The following DTWD1 variants were observed in gnomAD, a reference collection of about 807,000 sequenced individuals.
DTWD1 encodes the protein tRNA-uridine aminocarboxypropyltransferase 1.
DTWD1 carries 27 observed loss-of-function variants against 30.2 expected under a neutral mutation model. The ratio of observed to expected loss-of-function variants is 0.90; its 90% CI spans 0.66 to 1.23. The LOEUF (loss-of-function observed/expected upper bound fraction) is 1.23, where lower values mean the gene tolerates loss of function less well. Among genes scored for constraint, DTWD1 ranks in the 50% most tolerant of loss-of-function variants. The pLI is 0.00. For missense variants in DTWD1, 342 were observed against 348.8 expected (o/e 0.98, Z 0.15); for synonymous variants, 99 against 113.1 (o/e 0.88, Z 0.79).
intron 3 of DTWD1, 106 bp downstream of exon 3, chr15:49,632,408 T>A: frequency 9.3e-7 from 1 of 1,069,742 alleles, no homozygotes; most frequent in Non-Finnish European, 1.3e-6. Flanking sequence ...TTTTTCTTAG[T>A]AAAGTATTAT....
chr15:49,635,788 G>A (rs116363715), intron 4 of DTWD1, among the ~76,000 whole-genome samples: 5 of 152,146 alleles, frequency 3.3e-5, no homozygotes, highest in Non-Finnish European at 5.9e-5. Flanking sequence ...GCCACCACGC[G>A]CAGCCTTCCT....
intron 4 of DTWD1, 31 bp from the exon 5 acceptor site, chr15:49,643,300 T>A: frequency 6.9e-7 from 1 of 1,439,518 alleles, no homozygotes; most frequent in Admixed American, 3.1e-5. Context: ...TTTTCTTTCT[T>A]TCTTTCTTTT....
intron 4 of DTWD1, among the ~76,000 whole-genome samples, chr15:49,641,313 C>T (rs2079062468): frequency 6.6e-6 from 1 of 151,038 alleles, no homozygotes; most frequent in African/African-American, 2.4e-5. Context: ...ATTCCTATTT[C>T]AATTATTTTA....
intron 4 of DTWD1, among the ~76,000 whole-genome samples, chr15:49,635,426 CT>C (rs1238875502): frequency 6.6e-6 from 1 of 152,124 alleles, no homozygotes; most frequent in East Asian, 1.9e-4. Context: ...AATACATTTA[CT>C]AAGAAGTTAG....
In DTWD1 at chr15:49,643,302, CTTTCTTTTTTTTT is replaced by C. The variant is rs2079086897; in HGVS notation, c.668-25_668-13del. 5.8e-6 allele frequency: 7 copies of C among 1,200,062 alleles called. No individual in the cohort carries two copies. Among genetic ancestry groups the C allele is most frequent in the East Asian group, 3.1e-5 (1 of 32,774 alleles). The allele number at this position is 1,200,062 out of a possible 1,614,324, so 74.3% of individuals were successfully genotyped here. A position where few individuals can be genotyped will look rare whatever the true frequency, so the allele number is the denominator to read the frequency against. On this transcript the variant is annotated splice_polypyrimidine_tract_variant and intron_variant, in intron 4 of 4. Transcript: ENST00000403028. ...AAATATTTATATTTTTTCTTTCTTTCTTTCTTTTTTTTTTTTTTTTTTTGACAGGGTTGTTACA... is the reference window on the plus strand; with the variant it reads ...AAATATTTATATTTTTTCTTTCTTTCTTTTTTTTTTGACAGGGTTGTTACA...
chr15:49,629,268 C>T (rs1476626359), intron 2 of DTWD1, among the ~76,000 whole-genome samples: 2 of 152,162 alleles, frequency 1.3e-5, no homozygotes, highest in Admixed American at 1.3e-4. Context: ...GGAAAACTAA[C>T]AATACCTTGG....
In DTWD1 at chr15:49,646,711, G is replaced by C. The variant is rs920839253; in HGVS notation, c.*3133G>C. The C allele has an allele frequency of 2.6e-5, 4 of 152,162 alleles. No individual in the cohort carries two copies. Among genetic ancestry groups the C allele is most frequent in the Non-Finnish European group, 5.9e-5 (4 of 68,048 alleles). The allele number at this position is 152,162 out of a possible 1,614,324, so 9.4% of individuals were successfully genotyped here. On this transcript the variant is annotated 3_prime_UTR_variant, in exon 5 of 5. Coordinates refer to ENST00000403028, the MANE Select transcript of DTWD1 (RefSeq NM_001144955.2). Reference sequence around the variant, plus strand: ...AGAAGCGTACTCTGTGGCCAAGCAAGTGTACTTGCCACATGATTGGCAGTG... The same window carrying C: ...AGAAGCGTACTCTGTGGCCAAGCAACTGTACTTGCCACATGATTGGCAGTG...
chr15:49,642,916 C>A (rs377600468), intron 4 of DTWD1, among the ~76,000 whole-genome samples: 1 of 152,026 alleles, frequency 6.6e-6, no homozygotes. Context: ...CAGAGTGAGA[C>A]CTCATCTCTA....
chr15:49,632,294 G>A lies in DTWD1; in HGVS notation c.400G>A (p.Asp134Asn). The change falls in exon 3 of 5, where the codon GAC becomes AAC. Residue 134 changes from aspartate to asparagine, a missense_variant. Asp to Asn is a conservative substitution (Grantham distance 23). Transcript: ENST00000403028. ...GTGTATTCCAGAATATGAAGAAAAGGACCATGAAGTAGGCAACTTAGTTTT... is the reference window on the plus strand; with the variant it reads ...GTGTATTCCAGAATATGAAGAAAAGAACCATGAAGTAGGCAACTTAGTTTT... ...YPCIPEYEEK[D>N]HEVALIFPGP... 6.3e-7 allele frequency: 1 copy of A among 1,577,008 alleles called. No homozygotes were observed. Among genetic ancestry groups the A allele is most frequent in the Non-Finnish European group, 8.5e-7 (1 of 1,171,082 alleles).
At chr15:49,640,903 A>G (rs1336855948) in intron 4 of DTWD1, among the ~76,000 whole-genome samples, 1 of 151,996 alleles carries the variant, frequency 6.6e-6, no homozygotes, top group Non-Finnish European at 1.5e-5. Flanking sequence ...ATTTATCACT[A>G]TGTTTGTGTC....
At chr15:49,623,950 T>A (rs2078804247) in intron 1 of DTWD1, among the ~76,000 whole-genome samples, 1 of 152,136 alleles carries the variant, frequency 6.6e-6, no homozygotes, top group Non-Finnish European at 1.5e-5. Flanking sequence ...CTGTATTTTG[T>A]TTTTCCCCTT....
At chr15:49,635,163 T>C (rs1290768950) in intron 4 of DTWD1, among the ~76,000 whole-genome samples, 1 of 152,002 alleles carries the variant, frequency 6.6e-6, no homozygotes. Context: ...GCCTCCCAGG[T>C]AGCTGGGATT....
chr15:49,639,453 T>C (rs1317389213), intron 4 of DTWD1, among the ~76,000 whole-genome samples: 1 of 152,116 alleles, frequency 6.6e-6, no homozygotes, highest in African/African-American at 2.4e-5. Context: ...TCTTAGGTAC[T>C]TGGGAGACTG....
At chr15:49,641,263 G>A (rs936100328) in intron 4 of DTWD1, among the ~76,000 whole-genome samples, 3 of 151,420 alleles carry the variant, frequency 2.0e-5, no homozygotes, top group African/African-American at 7.3e-5. Context: ...TATAATTTTT[G>A]TTTCTTTTTT....
rs2079119834 is a variant in DTWD1 at position 49,646,531 on chromosome 15, C to T, written c.*2953C>T. On this transcript the variant is annotated 3_prime_UTR_variant, in exon 5 of 5. Transcript: ENST00000403028. Reference sequence around the variant, plus strand: ...TCTGTGCTTTAAAAACCCCATGCCACAATGACTGTTAAAAGGGCTAGGCGA... The same window carrying T: ...TCTGTGCTTTAAAAACCCCATGCCATAATGACTGTTAAAAGGGCTAGGCGA... 6.6e-6 allele frequency: 1 copy of T among 152,110 alleles called. No homozygotes were observed. Among genetic ancestry groups the T allele is most frequent in the Non-Finnish European group, 1.5e-5 (1 of 68,034 alleles). The allele number at this position is 152,110 out of a possible 1,614,324, so 9.4% of individuals were successfully genotyped here.
chr15:49,649,326 G>C lies in DTWD1; in HGVS notation c.*5748G>C, dbSNP rs1273455776. On this transcript the variant is annotated 3_prime_UTR_variant, in exon 5 of 5. Transcript: ENST00000403028. Reference sequence around the variant, plus strand: ...AGTATGAATATAGTATAAAGACACAGAAGGTCTCAAAGGTATTACCTCCCA... The same window carrying C: ...AGTATGAATATAGTATAAAGACACACAAGGTCTCAAAGGTATTACCTCCCA... The C allele has an allele frequency of 1.3e-5, 2 of 152,132 alleles. No homozygotes were observed. Among genetic ancestry groups the C allele is most frequent in the African/African-American group, 4.8e-5 (2 of 41,430 alleles). 9.4% of individuals were successfully genotyped at this position (152,132 alleles called of 1,614,324 possible). A position where few individuals can be genotyped will look rare whatever the true frequency, so the allele number is the denominator to read the frequency against.
At position 49,643,746 on chromosome 15, in the gene DTWD1, G is replaced by A; in HGVS notation, c.*168G>A. On this transcript the variant is annotated 3_prime_UTR_variant, in exon 5 of 5. Transcript: ENST00000403028. ...ATTTCTTGAAGGAAATTGTATCTGGGGGAATTTTTCAGAGATACTGTTGAT... is the reference window on the plus strand; with the variant it reads ...ATTTCTTGAAGGAAATTGTATCTGGAGGAATTTTTCAGAGATACTGTTGAT... The A allele has an allele frequency of 1.4e-6, 1 of 712,598 alleles. No individual in the cohort carries two copies. The highest frequency in any genetic ancestry group is 2.0e-6 in the Non-Finnish European group (1 of 498,688). The allele number at this position is 712,598 out of a possible 1,614,324, so 44.1% of individuals were successfully genotyped here. A position where few individuals can be genotyped will look rare whatever the true frequency, so the allele number is the denominator to read the frequency against.
intron 2 of DTWD1, among the ~76,000 whole-genome samples, chr15:49,627,687 G>A (rs937679957): frequency 2.0e-5 from 3 of 152,122 alleles, no homozygotes; most frequent in South Asian, 2.1e-4. Context: ...TGGTATTAGT[G>A]TATCTAAACA....
At chr15:49,642,818 T>G (rs1182727405) in intron 4 of DTWD1, among the ~76,000 whole-genome samples, 1 of 152,006 alleles carries the variant, frequency 6.6e-6, no homozygotes, top group African/African-American at 2.4e-5. Context: ...TCCCAGCTAT[T>G]TGGGAGGCTG....
Sources: gnomAD v4.1 joint callset for allele counts (sites outside exome capture counted in the v4.1 genomes callset) on GRCh38, gnomAD v4.1.1 for gene constraint, MANE v1.5 for transcripts, NCBI Gene and HGNC (gene_info 2026-07-23, HGNC 2026-07-21) for gene names.